ALMS1: variants seen among roughly 807,000 people sequenced by gnomAD.
The protein encoded by ALMS1 is centrosome-associated protein ALMS1.
A neutral mutation model predicts 352.2 loss-of-function variants in ALMS1; 271 were observed. The observed-to-expected ratio is 0.77, with a 90% CI of 0.70 to 0.85. The LOEUF (loss-of-function observed/expected upper bound fraction) is 0.85, where lower values mean the gene tolerates loss of function less well. ALMS1 is among the 40% of genes least tolerant of loss of function. The pLI is 0.00. For synonymous variants in ALMS1, 1,865 were observed against 1,761.2 expected (o/e 1.06, Z -1.48); for missense variants, 5,445 against 4,870.7 (o/e 1.12, Z -3.51).
At chr2:73,474,942 C>G (rs1290260645) in intron 9 of ALMS1, among the ~76,000 whole-genome samples, 1 of 152,150 alleles carries the variant, frequency 6.6e-6, no homozygotes, top group East Asian at 1.9e-4. Context: ...AGTCCACTTT[C>G]TCTCCCAATT....
At chr2:73,549,626 A>G (rs1241015261) in intron 12 of ALMS1, among the ~76,000 whole-genome samples, 1 of 152,140 alleles carries the variant, frequency 6.6e-6, no homozygotes, top group East Asian at 1.9e-4. Flanking sequence ...ATATCAAAAA[A>G]CTACTTTTTT....
At chr2:73,471,905 C>A (rs1420004427) in intron 9 of ALMS1, among the ~76,000 whole-genome samples, 1 of 151,924 alleles carries the variant, frequency 6.6e-6, no homozygotes, top group East Asian at 1.9e-4. Flanking sequence ...ATCCCATGTT[C>A]ACAATAGCAT....
At chr2:73,540,076 C>G (rs1014014220) in intron 12 of ALMS1, among the ~76,000 whole-genome samples, 2 of 152,174 alleles carry the variant, frequency 1.3e-5, no homozygotes, top group African/African-American at 4.8e-5. Flanking sequence ...TTGTCAGATT[C>G]ACCAAAGTTG....
chr2:73,445,072 T>C (rs1255931975), intron 7 of ALMS1, among the ~76,000 whole-genome samples: 1 of 152,098 alleles, frequency 6.6e-6, no homozygotes, highest in African/African-American at 2.4e-5. Context: ...TAGGTGCTTT[T>C]GCCAGACTTT....
chr2:73,508,869 G>T (rs1043547542), intron 10 of ALMS1, among the ~76,000 whole-genome samples: 5 of 152,166 alleles, frequency 3.3e-5, no homozygotes, highest in Admixed American at 2.0e-4. Flanking sequence ...TCTCTTTGTA[G>T]GTCGCTAAGA....
Position 73,451,526 on chromosome 2 carries a change from A to T in ALMS1, c.4999A>T (p.Asn1667Tyr), listed in dbSNP as rs1372169730. Residue 1667 changes from asparagine (N) to tyrosine (Y), a missense_variant, in exon 8 of 23, where the codon AAT becomes TAT. Transcript: ENST00000613296. ...ACCAGTACATTCTACTAGCTACTCA[A>T]ATAGGGGGAAGCCTGTCATTTTCTA... ...TLPVHSTSYS[N>Y]RGKPVIFYQQ... 2.5e-6 allele frequency: 4 copies of T among 1,612,062 alleles called. No homozygotes were observed. Among genetic ancestry groups the T allele is most frequent in the East Asian group, 4.5e-5 (2 of 44,682 alleles).
chr2:73,475,256 A>AT (rs1214983602), intron 9 of ALMS1, among the ~76,000 whole-genome samples: 1 of 152,122 alleles, frequency 6.6e-6, no homozygotes, highest in Non-Finnish European at 1.5e-5. Flanking sequence ...TAACAGTAGA[A>AT]TTACTGGGAC....
At chr2:73,391,545 G>A (rs1490290794) in intron 1 of ALMS1, among the ~76,000 whole-genome samples, 2 of 151,898 alleles carry the variant, frequency 1.3e-5, no homozygotes, top group Non-Finnish European at 2.9e-5. Flanking sequence ...CACCCGCCTC[G>A]GCCTCCCAAA....
Position 73,606,388 on chromosome 2 carries a change from A to G in ALMS1, c.12363-2087A>G, listed in dbSNP as rs1411673087. Among the ~76,000 whole-genome samples the G allele has an allele frequency of 2.0e-5, 3 of 152,196 alleles. No individual in the cohort carries two copies. The East Asian group carries it at 5.8e-4, about 29-fold the overall frequency. Reference sequence around the variant, plus strand: ...CAGTCACAAAATGGAATTAGGGGAAATCATACAGGGTTTGTTGTGGGGCAG... The same window carrying G: ...CAGTCACAAAATGGAATTAGGGGAAGTCATACAGGGTTTGTTGTGGGGCAG... On this transcript the variant is annotated intron_variant, in intron 21 of 22. Transcript: ENST00000613296.
intron 15 of ALMS1, among the ~76,000 whole-genome samples, chr2:73,568,814 G>A (rs936184213): frequency 2.0e-5 from 3 of 151,868 alleles, no homozygotes; most frequent in African/African-American, 4.8e-5. Flanking sequence ...TATATTCGGG[G>A]AGAATTTTGC....
Position 73,572,422 on chromosome 2 carries a change from T to A in ALMS1, c.10545T>A (p.Phe3515Leu), listed in dbSNP as rs750147146. The change falls in exon 16 of 23, where the codon TTT becomes TTA. Residue 3515 changes from phenylalanine (F) to leucine (L), a missense_variant. Transcript: ENST00000613296. ...VFMRHSWKDF[F>L]QHHPDKHREH... ...TGAGACATTCTTGGAAAGATTTCTT[T>A]CAGCATCATCCAGACAAACATAGAG... 5 of 1,612,752 alleles carry A rather than the reference T, an allele frequency of 3.1e-6. No individual in the cohort carries two copies. In the African/African-American group the frequency reaches 6.7e-5, roughly 22 times the overall value.
chr2:73,544,729 A>T (rs1674276401), intron 12 of ALMS1, among the ~76,000 whole-genome samples: 1 of 152,228 alleles, frequency 6.6e-6, no homozygotes, highest in South Asian at 2.1e-4. Flanking sequence ...AAGTGAAAGT[A>T]GGATCTTCAA....
intron 10 of ALMS1, among the ~76,000 whole-genome samples, chr2:73,494,466 T>A (rs180720094): frequency 1.5e-3 from 221 of 152,350 alleles, no homozygotes; most frequent in Admixed American, 4.6e-3. Context: ...AACATTGATT[T>A]CACCAGGTTT....
At chr2:73,492,377 C>T (rs1401225720) in intron 10 of ALMS1, among the ~76,000 whole-genome samples, 1 of 152,142 alleles carries the variant, frequency 6.6e-6, no homozygotes, top group Non-Finnish European at 1.5e-5. Flanking sequence ...CATCATGATC[C>T]TATGAAGCAG....
chr2:73,468,322 C>T (rs1024819697), intron 9 of ALMS1, among the ~76,000 whole-genome samples: 1 of 151,942 alleles, frequency 6.6e-6, no homozygotes, highest in Non-Finnish European at 1.5e-5. Flanking sequence ...TCTATATCCA[C>T]CTAGCACAAA....
chr2:73,409,283 T>C (rs1572905075), intron 2 of ALMS1, among the ~76,000 whole-genome samples: 2 of 152,096 alleles, frequency 1.3e-5, no homozygotes, highest in African/African-American at 4.8e-5. Flanking sequence ...ATTTTTAGTT[T>C]AAAAATTTTT....
chr2:73,479,645 C>G (rs1251532447), intron 9 of ALMS1, among the ~76,000 whole-genome samples: 2 of 152,054 alleles, frequency 1.3e-5, no homozygotes, highest in African/African-American at 4.8e-5. Context: ...TGGTTGTTTC[C>G]CAGTTTTTGG....
chr2:73,517,255 T>C (rs1453592502), intron 10 of ALMS1, among the ~76,000 whole-genome samples: 4 of 141,122 alleles, frequency 2.8e-5, no homozygotes, highest in Admixed American at 1.4e-4. Context: ...TCTTTTTTTT[T>C]TTTTTTTTCT....
intron 15 of ALMS1, 122 bp downstream of exon 15, chr2:73,559,264 T>A: frequency 7.9e-7 from 1 of 1,264,542 alleles, no homozygotes; most frequent in East Asian, 2.6e-5. Context: ...ATTCCTTTTC[T>A]TTTTTTAAAA....
Sources: gnomAD v4.1 joint callset for allele counts (sites outside exome capture counted in the v4.1 genomes callset) on GRCh38, gnomAD v4.1.1 for gene constraint, MANE v1.5 for transcripts, NCBI Gene and HGNC (gene_info 2026-07-23, HGNC 2026-07-21) for gene names.